Variants in HEATR5A observed in about 807,000 individuals in gnomAD.
HEATR5A encodes HEAT repeat-containing protein 5A.
Under a neutral mutation model 218.8 loss-of-function variants are expected in HEATR5A, and 178 were observed. The observed-to-expected ratio is 0.81, with a 90% CI of 0.72 to 0.92. The LOEUF (loss-of-function observed/expected upper bound fraction) is 0.92, where lower values mean the gene tolerates loss of function less well. Ranked by LOEUF, HEATR5A falls within the 40% of genes least tolerant of loss-of-function variation. HEATR5A has a pLI of 0.00. For synonymous variants in HEATR5A, 864 were observed against 871.6 expected (o/e 0.99, Z 0.15); for missense variants, 2,420 against 2,418.9 (o/e 1.00, Z -0.01).
At chr14:31,301,385 A>G (rs1899367502) in intron 33 of HEATR5A, among the ~76,000 whole-genome samples, 1 of 152,096 alleles carries the variant, frequency 6.6e-6, no homozygotes, top group African/African-American at 2.4e-5. Flanking sequence ...CCTCCTGGGT[A>G]GCTAGGATTA....
intron 9 of HEATR5A, among the ~76,000 whole-genome samples, chr14:31,384,529 T>C (rs1024227256): frequency 7.6e-6 from 1 of 132,104 alleles, no homozygotes; most frequent in African/African-American, 2.9e-5. Context: ...ATTCATATAC[T>C]TTTTTTTTTT....
intron 6 of HEATR5A, among the ~76,000 whole-genome samples, chr14:31,390,695 G>C (rs1287361086): frequency 6.6e-6 from 1 of 152,090 alleles, no homozygotes; most frequent in Admixed American, 6.6e-5. Flanking sequence ...TCACGTGTCT[G>C]TGGTGATGTT....
Position 31,295,909 on chromosome 14 carries a change from C to T in HEATR5A, c.5619G>A (p.Val1873=), listed in dbSNP as rs1052532477. ...FKATLEIKDP[V]VQIKTYQLLH... ...CATCTTTCTGCTAAAAGACACTTAC[C>T]ACAGGATCTTTTATCTCAAGAGTAG... The change falls in exon 34 of 36, where the codon GTG becomes GTA. Residue 1873 remains valine (V), a splice_region_variant and synonymous_variant. Coordinates refer to ENST00000543095, the MANE Select transcript of HEATR5A (RefSeq NM_015473.4). The T allele has an allele frequency of 3.1e-6, 5 of 1,612,628 alleles. No individual in the cohort carries two copies. Among genetic ancestry groups the T allele is most frequent in the Admixed American group, 1.7e-5 (1 of 59,934 alleles).
At position 31,293,192 on chromosome 14, in the gene HEATR5A, A is replaced by T; in HGVS notation, c.*113T>A. Reference sequence around the variant, plus strand: ...TTGAAGAGTCACAGCTATTTAAGGTAAAACAATCAACTAGACCTCTAAGGG... The same window carrying T: ...TTGAAGAGTCACAGCTATTTAAGGTTAAACAATCAACTAGACCTCTAAGGG... On this transcript the variant is annotated 3_prime_UTR_variant, in exon 36 of 36. Transcript: ENST00000543095. 1 of 758,264 alleles carries T rather than the reference A, an allele frequency of 1.3e-6. No individual in the cohort carries two copies. The highest frequency in any genetic ancestry group is 2.1e-6 in the Non-Finnish European group (1 of 474,580). 47.0% of individuals were successfully genotyped at this position (758,264 alleles called of 1,614,324 possible).
At chr14:31,405,081 C>T (rs1337312144) in intron 1 of HEATR5A, among the ~76,000 whole-genome samples, 2 of 93,038 alleles carry the variant, frequency 2.1e-5, no homozygotes, top group African/African-American at 8.4e-5. Flanking sequence ...AAAAAAAAGA[C>T]GAAAGAGAAA....
chr14:31,383,135 T>C (rs1192918968), intron 10 of HEATR5A, among the ~76,000 whole-genome samples: 1 of 152,146 alleles, frequency 6.6e-6, no homozygotes, highest in Non-Finnish European at 1.5e-5. Context: ...AATGAGTTCA[T>C]ACTGACAATT....
At chr14:31,347,936 T>C (rs370971806) in intron 18 of HEATR5A, 29 bp from the exon 19 acceptor site, 2 of 1,352,860 alleles carry the variant, frequency 1.5e-6, no homozygotes, top group South Asian at 1.7e-5. Context: ...AAATAAACGG[T>C]AATCACTGCA....
chr14:31,419,340 T>C (rs2031563868), intron 1 of HEATR5A, among the ~76,000 whole-genome samples: 1 of 152,186 alleles, frequency 6.6e-6, no homozygotes, highest in South Asian at 2.1e-4. Flanking sequence ...CGATACTTTA[T>C]CTAAAATTAC....
chr14:31,415,740 G>T (rs867409436), intron 1 of HEATR5A, among the ~76,000 whole-genome samples: 1 of 151,998 alleles, frequency 6.6e-6, no homozygotes, highest in Non-Finnish European at 1.5e-5. Flanking sequence ...TTCGAGTAAG[G>T]TATTATTTTG....
intron 21 of HEATR5A, 127 bp downstream of exon 21, chr14:31,343,769 G>C: frequency 6.2e-6 from 4 of 649,408 alleles, no homozygotes; most frequent in Non-Finnish European, 9.2e-6. Context: ...CTAGAACTGA[G>C]GGGAAATAGC....
rs1048104744 is a variant in HEATR5A, at chr14:31,402,798, G to A, written c.126+52C>T. 10 of 1,512,226 alleles carry A rather than the reference G, an allele frequency of 6.6e-6. No homozygotes were observed. The Admixed American group carries it at 1.2e-4, about 18-fold the overall frequency. 93.7% of individuals were successfully genotyped at this position (1,512,226 alleles called of 1,614,324 possible). A position where few individuals can be genotyped will look rare whatever the true frequency, so the allele number is the denominator to read the frequency against. On this transcript the variant is annotated intron_variant, in intron 2 of 35. Coordinates refer to ENST00000543095, the MANE Select transcript of HEATR5A (RefSeq NM_015473.4). ...AAAAAACTAGAAAAGCAAACCAAAG[G>A]AAGTAAACATGGGCACTTAAACAAA...
Position 31,296,071 on chromosome 14 carries a change from G to A in HEATR5A, c.5465-8C>T. ...CTTGGTGTGTTTCATCAACTAAAGA[G>A]AAATGCTCTATTAGAAACAGTTCAT... On this transcript the variant is annotated splice_region_variant and splice_polypyrimidine_tract_variant and intron_variant, in intron 33 of 35. Transcript: ENST00000543095. The A allele has an allele frequency of 6.2e-7, 1 of 1,610,820 alleles. No homozygotes were observed. The highest frequency in any genetic ancestry group is 8.5e-7 in the Non-Finnish European group (1 of 1,177,332).
chr14:31,332,636 C>G lies in HEATR5A; in HGVS notation c.3367+4840G>C, dbSNP rs74960824. Reference sequence around the variant, plus strand: ...AAATTTAAAAGGCTACTCCAGTGAACACACAAATGATAAGGAAGATAAACA... The same window carrying G: ...AAATTTAAAAGGCTACTCCAGTGAAGACACAAATGATAAGGAAGATAAACA... On this transcript the variant is annotated intron_variant, in intron 22 of 35. Transcript: ENST00000543095. 3.0e-4 allele frequency among the ~76,000 whole-genome samples: 45 copies of G among 152,272 alleles called. 1 individual carries two copies. In the East Asian group the frequency reaches 8.7e-3, roughly 29 times the overall value.
chr14:31,411,394 C>A (rs928293106), intron 1 of HEATR5A, among the ~76,000 whole-genome samples: 12 of 151,960 alleles, frequency 7.9e-5, no homozygotes, highest in Admixed American at 6.6e-4. Flanking sequence ...TACAAATGCA[C>A]AGGAGTGCAA....
chr14:31,373,739 T>G (rs1054568216), intron 12 of HEATR5A, among the ~76,000 whole-genome samples: 1 of 152,090 alleles, frequency 6.6e-6, no homozygotes. Flanking sequence ...ATACATAGGT[T>G]TTTTTCAACA....
At chr14:31,296,659 A>G (rs186092835) in intron 33 of HEATR5A, 5 of 152,352 alleles carry the variant, frequency 3.3e-5, no homozygotes, top group Admixed American at 6.5e-5. Flanking sequence ...GTAGGCCACA[A>G]TCATTTGAAG....
chr14:31,309,631 T>C (rs1386674681), intron 28 of HEATR5A, among the ~76,000 whole-genome samples: 1 of 152,234 alleles, frequency 6.6e-6, no homozygotes, highest in East Asian at 1.9e-4. Context: ...AAAATATGTG[T>C]ATATGTGTGA....
intron 33 of HEATR5A, among the ~76,000 whole-genome samples, chr14:31,300,687 C>T (rs1259816982): frequency 1.3e-5 from 2 of 152,164 alleles, no homozygotes; most frequent in African/African-American, 4.8e-5. Flanking sequence ...CAATCTGGCT[C>T]CAGAGCTCCT....
intron 34 of HEATR5A, 104 bp downstream of exon 34, chr14:31,295,805 G>A (rs1278452131): frequency 1.2e-6 from 1 of 821,192 alleles, no homozygotes; most frequent in East Asian, 2.5e-5. Flanking sequence ...TAAAAAAATT[G>A]TAGTCTAATA....
Sources: allele counts gnomAD v4.1 joint callset (sites outside exome capture counted in the v4.1 genomes callset), GRCh38; gene constraint gnomAD v4.1.1; transcripts MANE v1.5; gene names NCBI Gene and HGNC (gene_info 2026-07-23, HGNC 2026-07-21).